The following DCAF1 variants were observed in gnomAD, a reference collection of about 807,000 sequenced individuals.
The protein encoded by DCAF1 is DDB1 and CUL4 associated factor 1, also known as DDB1- and CUL4-associated factor 1.
A neutral mutation model predicts 128.0 loss-of-function variants in DCAF1; 15 were observed. That is an observed-to-expected ratio of 0.12 (90% CI 0.08 to 0.18). The LOEUF (loss-of-function observed/expected upper bound fraction) is 0.18, where lower values mean the gene tolerates loss of function less well. Ranked by LOEUF, DCAF1 falls within the 10% of genes least tolerant of loss-of-function variation. The pLI is 1.00. For synonymous variants in DCAF1, 610 were observed against 603.0 expected (o/e 1.01, Z -0.17); for missense variants, 988 against 1,649.5 (o/e 0.60, Z 6.95).
chr3:51,448,580 ACTTTT>A (rs1279593995), intron 6 of DCAF1, among the ~76,000 whole-genome samples: 1 of 152,168 alleles, frequency 6.6e-6, no homozygotes, highest in Non-Finnish European at 1.5e-5. Context: ...AAAGTCTTGG[ACTTTT>A]CTTAGAGTTC....
chr3:51,434,208 C>T (rs1700626063), intron 9 of DCAF1, among the ~76,000 whole-genome samples: 1 of 152,108 alleles, frequency 6.6e-6, no homozygotes, highest in Admixed American at 6.6e-5. Flanking sequence ...TCAGGGCCAG[C>T]CTGGACAACA....
chr3:51,410,311 C>T (rs1406348259), intron 23 of DCAF1, among the ~76,000 whole-genome samples: 1 of 152,188 alleles, frequency 6.6e-6, no homozygotes, highest in Non-Finnish European at 1.5e-5. Flanking sequence ...CATGCTTAGA[C>T]AGTCAAAACA....
intron 8 of DCAF1, 66 bp from the exon 9 acceptor site, chr3:51,441,137 C>G: frequency 7.0e-7 from 1 of 1,425,102 alleles, no homozygotes; most frequent in Non-Finnish European, 9.7e-7. Context: ...CTATTCCACT[C>G]TTTGAGGATA....
chr3:51,456,468 T>C (rs1233018259), intron 6 of DCAF1, among the ~76,000 whole-genome samples: 3 of 152,172 alleles, frequency 2.0e-5, no homozygotes, highest in African/African-American at 7.2e-5. Context: ...CCTGCCTCTG[T>C]AGGCTCCACC....
At chr3:51,487,494 G>A (rs1398174156) in intron 2 of DCAF1, among the ~76,000 whole-genome samples, 1 of 152,226 alleles carries the variant, frequency 6.6e-6, no homozygotes, top group Non-Finnish European at 1.5e-5. Flanking sequence ...TTTGTTCCAT[G>A]ATCTCATCTA....
upstream of DCAF1, among the ~76,000 whole-genome samples, chr3:51,504,539 G>A (rs1708897001): frequency 6.6e-6 from 1 of 152,052 alleles, no homozygotes; most frequent in South Asian, 2.1e-4. Context: ...GTAGAGATGG[G>A]GTTTCACCAT....
rs781793214 is a variant in DCAF1 at position 51,420,890 on chromosome 3, T to C, written c.2080A>G (p.Asn694Asp). 6.2e-7 allele frequency: 1 copy of C among 1,614,040 alleles called. No homozygotes were observed. The change falls in exon 15 of 25, where the codon AAC (asparagine) becomes GAC (aspartate). Residue 694 changes from asparagine to aspartate, a missense_variant. Coordinates refer to ENST00000684031, the MANE Select transcript of DCAF1 (RefSeq NM_001387579.1). This position sits in a 1 kb window ranked among gnomAD's most constrained non-coding sequence, Gnocchi z 6.5. ...AATTTACCAATACTGGATATTCGGTTATCTGGGCCACACACACAATTGATG... is the reference window on the plus strand; with the variant it reads ...AATTTACCAATACTGGATATTCGGTCATCTGGGCCACACACACAATTGATG... The part of the protein sequence containing the change: ...IIINCVCGPD[N>D]RISSIGKFIS...
chr3:51,438,736 C>G (rs979924567), intron 9 of DCAF1, among the ~76,000 whole-genome samples: 1 of 151,866 alleles, frequency 6.6e-6, no homozygotes, highest in Non-Finnish European at 1.5e-5. Flanking sequence ...CTCAGCCTCC[C>G]GAGTAGCTGG....
At chr3:51,454,372 T>C (rs916048193) in intron 6 of DCAF1, among the ~76,000 whole-genome samples, 4 of 152,104 alleles carry the variant, frequency 2.6e-5, no homozygotes, top group Admixed American at 2.6e-4. Context: ...TTTATTTATT[T>C]ATTTTTTGAG....
chr3:51,492,300 G>A (rs1414066581), intron 2 of DCAF1, among the ~76,000 whole-genome samples: 2 of 151,984 alleles, frequency 1.3e-5, no homozygotes, highest in Non-Finnish European at 2.9e-5. Context: ...GATCATCTGA[G>A]GTCAGGAGTT....
At chr3:51,478,623 G>A (rs1447597554) in intron 3 of DCAF1, among the ~76,000 whole-genome samples, 2 of 151,970 alleles carry the variant, frequency 1.3e-5, no homozygotes, top group African/African-American at 4.8e-5. Flanking sequence ...CAAGTATCTT[G>A]TTTAATAGTT....
chr3:51,427,343 C>A, intron 13 of DCAF1, 29 bp downstream of exon 13: 1 of 663,838 alleles, frequency 1.5e-6, no homozygotes, highest in Non-Finnish European at 2.8e-6. Flanking sequence ...ATGCATCAAA[C>A]TTCATTTGAA....
At chr3:51,431,380 C>A (rs1177747222) in intron 10 of DCAF1, among the ~76,000 whole-genome samples, 2 of 151,004 alleles carry the variant, frequency 1.3e-5, no homozygotes, top group Admixed American at 1.3e-4. Context: ...ATTAGCCAGG[C>A]ATGGTGGCAC....
At chr3:51,441,975 CATA>C (rs1404434506) in intron 7 of DCAF1, 78 bp from the exon 8 acceptor site, 148 of 1,504,184 alleles carry the variant, frequency 9.8e-5, no homozygotes, top group Non-Finnish European at 1.2e-4. Flanking sequence ...CTTATTTCCA[CATA>C]ATAACTGGAG....
At position 51,420,168 on chromosome 3, in the gene DCAF1, C is replaced by T; in HGVS notation, c.2802G>A (p.Arg934=). ...GCAGAGCTAGCGGACCCTGGGGGGG[C>T]CGTGGCTGAGGATGAGCAGTAGGGG... The part of the protein sequence containing the change: ...PSAPTAHPQP[R]PPQGPLALPG... The change falls in exon 15 of 25, where the codon CGG becomes CGA. Residue 934 remains arginine (R), a synonymous_variant. Transcript: ENST00000684031. This position sits in a 1 kb window ranked among gnomAD's most constrained non-coding sequence, Gnocchi z 6.5. 1 of 1,613,912 alleles carries T rather than the reference C, an allele frequency of 6.2e-7. No individual in the cohort carries two copies. The highest frequency in any genetic ancestry group is 8.5e-7 in the Non-Finnish European group (1 of 1,179,884).
At chr3:51,450,622 G>T (rs782811335) in intron 6 of DCAF1, among the ~76,000 whole-genome samples, 4 of 152,116 alleles carry the variant, frequency 2.6e-5, no homozygotes, top group Non-Finnish European at 4.4e-5. Flanking sequence ...AGACTGAAAG[G>T]CTTTCCCTTA....
intron 2 of DCAF1, among the ~76,000 whole-genome samples, chr3:51,495,703 G>A (rs896960422): frequency 6.6e-6 from 1 of 151,528 alleles, no homozygotes; most frequent in African/African-American, 2.4e-5. Context: ...GACCAGCCTG[G>A]ACAACATGGT....
chr3:51,475,861 A>AT (rs1404330932), intron 3 of DCAF1, among the ~76,000 whole-genome samples: 2 of 151,804 alleles, frequency 1.3e-5, no homozygotes, highest in South Asian at 2.1e-4. Context: ...ACTATGTCTC[A>AT]TAAAAAAAAA....
Position 51,495,092 on chromosome 3 carries a change from G to A in DCAF1, c.-9+1642C>T, listed in dbSNP as rs554069211. Among the ~76,000 whole-genome samples the A allele has an allele frequency of 1.9e-4, 29 of 152,198 alleles. 1 individual carries two copies. The East Asian group carries it at 3.1e-3, about 16-fold the overall frequency. ...AATCCCTGCACTTTGGGAGGCCAAT[G>A]CGGGTGTATCATCTGAGGTCAGGAG... On this transcript the variant is annotated intron_variant, in intron 2 of 24. Coordinates refer to ENST00000684031, the MANE Select transcript of DCAF1 (RefSeq NM_001387579.1).
Sources: gnomAD v4.1 joint callset for allele counts (sites outside exome capture counted in the v4.1 genomes callset) on GRCh38, gnomAD v4.1.1 for gene constraint, Gnocchi (gnomAD v3.1) non-coding constraint, MANE v1.5 for transcripts, NCBI Gene and HGNC (gene_info 2026-07-23, HGNC 2026-07-21) for gene names.